Variants in AGPS observed in about 807,000 individuals in gnomAD.
AGPS encodes the protein alkylglycerone phosphate synthase.
A neutral mutation model predicts 90.7 loss-of-function variants in AGPS; 26 were observed. The observed-to-expected ratio is 0.29, with a 90% CI of 0.21 to 0.40. AGPS has a LOEUF of 0.40. Ranked by LOEUF, AGPS falls within the 10% of genes least tolerant of loss-of-function variation. The pLI, the probability that AGPS is intolerant of heterozygous loss-of-function variation, is 1.00. For missense variants in AGPS, 540 were observed against 816.1 expected, an observed-to-expected ratio of 0.66 and a Z score of 4.12; for synonymous variants, 294 against 285.3, an observed-to-expected ratio of 1.03 and a Z score of -0.31.
rs527617657 is a variant in AGPS, at chr2:177,393,157, G to A, written c.260+108G>A. On this transcript the variant is annotated intron_variant, in intron 1 of 19. Coordinates refer to ENST00000264167, the MANE Select transcript of AGPS (RefSeq NM_003659.4). ...GGGAAGTGACACGGGTGGGCGGAAG[G>A]CATCCCGGTCCCTGAAAGTAGGGAC... 1.8e-4 allele frequency: 283 copies of A among 1,547,884 alleles called. 5 individuals are homozygous for A. The South Asian group carries it at 2.7e-3, about 15-fold the overall frequency.
At chr2:177,486,809 A>C (rs953558163) in intron 11 of AGPS, among the ~76,000 whole-genome samples, 2 of 149,168 alleles carry the variant, frequency 1.3e-5, no homozygotes, top group African/African-American at 4.9e-5. Flanking sequence ...ATTCTACTAA[A>C]GTCTCTCATC....
chr2:177,523,666 T>G, intron 18 of AGPS, 82 bp from the exon 19 acceptor site: 2 of 1,174,554 alleles, frequency 1.7e-6, no homozygotes, highest in African/African-American at 1.5e-5. Context: ...AACATGTGCC[T>G]TCTTTGGGAG....
At chr2:177,462,129 G>A in intron 9 of AGPS, 111 bp downstream of exon 9, 1 of 929,242 alleles carries the variant, frequency 1.1e-6, no homozygotes, top group South Asian at 1.6e-5. Flanking sequence ...GGTGGCCAAT[G>A]CCTGTAATCC....
intron 8 of AGPS, among the ~76,000 whole-genome samples, chr2:177,454,185 C>T (rs770950801): frequency 9.9e-5 from 15 of 151,888 alleles, no homozygotes; most frequent in Admixed American, 6.6e-4. Context: ...CCCCCCTCCC[C>T]GCTGACCTTT....
intron 19 of AGPS, among the ~76,000 whole-genome samples, chr2:177,530,946 A>G (rs1367087994): frequency 6.6e-6 from 1 of 152,202 alleles, no homozygotes. Context: ...CTAAAATCAT[A>G]CCTAAGTCCT....
chr2:177,501,067 T>C (rs1021591368), intron 14 of AGPS, among the ~76,000 whole-genome samples: 6 of 152,188 alleles, frequency 3.9e-5, no homozygotes, highest in African/African-American at 1.4e-4. Flanking sequence ...TAAAACCTAC[T>C]CTAGCCTTAA....
chr2:177,497,824 T>A, intron 13 of AGPS, 59 bp downstream of exon 13: 1 of 901,772 alleles, frequency 1.1e-6, no homozygotes, highest in Non-Finnish European at 1.8e-6. Flanking sequence ...TTTTCTGCTT[T>A]CTTCCCACAT....
chr2:177,397,046 T>TGAGGCA (rs1685199631), intron 1 of AGPS, among the ~76,000 whole-genome samples: 1 of 151,606 alleles, frequency 6.6e-6, no homozygotes, highest in African/African-American at 2.4e-5. Flanking sequence ...TTCAAGCGAT[T>TGAGGCA]CTCCTGCCTC....
chr2:177,514,172 G>C (rs901731029), intron 17 of AGPS, among the ~76,000 whole-genome samples: 10 of 152,052 alleles, frequency 6.6e-5, no homozygotes, highest in African/African-American at 2.4e-4. Flanking sequence ...CAGGTGTCTG[G>C]ACTCCTGGAA....
At chr2:177,514,495 T>A (rs1688970742) in intron 17 of AGPS, among the ~76,000 whole-genome samples, 1 of 151,936 alleles carries the variant, frequency 6.6e-6, no homozygotes, top group South Asian at 2.1e-4. Context: ...ATTTGTATAT[T>A]TCCCTTTCCT....
chr2:177,462,595 A>G (rs938512410), intron 9 of AGPS, among the ~76,000 whole-genome samples: 15 of 152,224 alleles, frequency 9.9e-5, no homozygotes, highest in Admixed American at 8.5e-4. Flanking sequence ...AGCTCATAAA[A>G]TACGGTCAGC....
At chr2:177,510,085 T>A (rs2105722865) in intron 16 of AGPS, among the ~76,000 whole-genome samples, 2 of 152,298 alleles carry the variant, frequency 1.3e-5, no homozygotes, top group Middle Eastern at 6.8e-3. Context: ...TCTCTTTGGG[T>A]ATCTTAGCCA....
At chr2:177,443,256 CT>C (rs1686662721) in intron 7 of AGPS, among the ~76,000 whole-genome samples, 1 of 152,056 alleles carries the variant, frequency 6.6e-6, no homozygotes, top group African/African-American at 2.4e-5. Flanking sequence ...TAAAAAGTGT[CT>C]GTTTTATAGT....
At chr2:177,465,986 AGCAAGGTGAAGGAG>A (rs1687434681) in intron 9 of AGPS, among the ~76,000 whole-genome samples, 1 of 152,202 alleles carries the variant, frequency 6.6e-6, no homozygotes, top group Non-Finnish European at 1.5e-5. Context: ...GTGGAGGGTG[AGCAAGGTGAAGGAG>A]TGCTTTATTG....
intron 11 of AGPS, among the ~76,000 whole-genome samples, chr2:177,490,970 C>T (rs1574005552): frequency 6.6e-6 from 1 of 150,570 alleles, no homozygotes; most frequent in East Asian, 2.0e-4. Flanking sequence ...ATTCTCCTGC[C>T]TCAGCCTCCC....
At chr2:177,503,664 C>G (rs1364745095) in intron 14 of AGPS, among the ~76,000 whole-genome samples, 2 of 152,134 alleles carry the variant, frequency 1.3e-5, no homozygotes, top group Non-Finnish European at 2.9e-5. Flanking sequence ...TTAAGCCCTA[C>G]TATTCTTTAA....
chr2:177,469,258 G>A (rs769949545), intron 10 of AGPS, among the ~76,000 whole-genome samples: 4 of 152,034 alleles, frequency 2.6e-5, no homozygotes, highest in Non-Finnish European at 5.9e-5. Context: ...ATTAACAGAG[G>A]AGCTCATTAT....
intron 17 of AGPS, among the ~76,000 whole-genome samples, chr2:177,517,913 A>G (rs140571957): frequency 7.2e-4 from 109 of 152,216 alleles, no homozygotes; most frequent in African/African-American, 2.3e-3. Flanking sequence ...AACATCTCTC[A>G]GTTTGAGTTT....
chr2:177,490,283 T>A (rs762196226), intron 11 of AGPS, among the ~76,000 whole-genome samples: 46 of 152,182 alleles, frequency 3.0e-4, no homozygotes, highest in Admixed American at 5.2e-4. Flanking sequence ...TTTACAAATA[T>A]CAATTACCAG....
Sources: allele counts gnomAD v4.1 joint callset (sites outside exome capture counted in the v4.1 genomes callset), GRCh38; gene constraint gnomAD v4.1.1; transcripts MANE v1.5; gene names NCBI Gene and HGNC (gene_info 2026-07-23, HGNC 2026-07-21).